Variants in UGT2B7 observed in about 807,000 individuals in gnomAD.
UGT2B7 encodes UDP-glucuronosyltransferase 2B7.
A neutral mutation model predicts 51.9 loss-of-function variants in UGT2B7; 51 were observed. The ratio of observed to expected loss-of-function variants is 0.98; its 90% CI spans 0.78 to 1.24. The LOEUF is 1.24. UGT2B7 is among the 50% of genes most tolerant of loss of function. UGT2B7 has a pLI of 0.00. For missense variants in UGT2B7, 727 were observed against 628.4 expected (o/e 1.16, Z -1.68); for synonymous variants, 225 against 211.6 (o/e 1.06, Z -0.55).
At chr4:69,076,344 T>C (rs1718707706) in intron 1 of UGT2B7, among the ~76,000 whole-genome samples, 1 of 152,216 alleles carries the variant, frequency 6.6e-6, no homozygotes, top group Admixed American at 6.5e-5. Flanking sequence ...TCTAGATCCT[T>C]GAAGAATCAC....
At chr4:69,093,701 T>G (rs929052400), upstream of UGT2B7, among the ~76,000 whole-genome samples, 2 of 152,120 alleles carry the variant, frequency 1.3e-5, no homozygotes, top group African/African-American at 4.8e-5. Context: ...GACCTGAGGG[T>G]TACAAAAATC....
chr4:69,112,350 G>A (rs7658752), intron 5 of UGT2B7, 107 bp from the exon 6 acceptor site: 714,659 of 1,428,130 alleles, frequency 0.5, 184,918 homozygotes, highest in African/African-American at 0.75. Flanking sequence ...GAGGAGTCTT[G>A]CCGATGCTCC....
intron 1 of UGT2B7, among the ~76,000 whole-genome samples, chr4:69,059,079 G>T (rs112716709): frequency 6.6e-6 from 1 of 152,384 alleles, no homozygotes; most frequent in African/African-American, 2.4e-5. Context: ...GATCTGATCA[G>T]ACTGGCAGGG....
chr4:69,084,356 G>A (rs1276133626), intron 1 of UGT2B7, among the ~76,000 whole-genome samples: 1 of 44,532 alleles, frequency 2.2e-5, no homozygotes, highest in Non-Finnish European at 5.7e-5. Flanking sequence ...CCTTCTTTCT[G>A]GTTTTACTAT....
chr4:69,068,371 C>T (rs1309209488), intron 1 of UGT2B7, among the ~76,000 whole-genome samples: 1 of 151,740 alleles, frequency 6.6e-6, no homozygotes, highest in Non-Finnish European at 1.5e-5. Context: ...GGTTGATTTG[C>T]TTATTTTGAA....
intron 3 of UGT2B7, 89 bp downstream of exon 3, chr4:69,103,027 T>G (rs746043792): frequency 6.5e-7 from 1 of 1,538,658 alleles, no homozygotes; most frequent in Non-Finnish European, 8.7e-7. Context: ...TTCTGATAAA[T>G]GTGAAGTTGA....
At chr4:69,107,068 TTA>T in intron 3 of UGT2B7, 105 bp from the exon 4 acceptor site, 1 of 1,253,012 alleles carries the variant, frequency 8.0e-7, no homozygotes, top group Non-Finnish European at 1.1e-6. Flanking sequence ...TGAGTAGTTC[TTA>T]TTTACTAACA....
In UGT2B7 at chr4:69,112,849, A is replaced by AT; in HGVS notation, c.*113_*114insT. ...TTCTTCCTGAGACAAAAAAAAAAAA[A>AT]GAAAAAAAAATCTTTTCAAAATTTA... On this transcript the variant is annotated 3_prime_UTR_variant, in exon 6 of 6. Transcript: ENST00000305231. 3.7e-6 allele frequency: 5 copies of AT among 1,353,814 alleles called. No individual in the cohort carries two copies. Among genetic ancestry groups the AT allele is most frequent in the Non-Finnish European group, 4.9e-6 (5 of 1,027,334 alleles). 83.9% of individuals were successfully genotyped at this position (1,353,814 alleles called of 1,614,324 possible).
chr4:69,055,582 C>T (rs1364135697), intron 1 of UGT2B7, among the ~76,000 whole-genome samples: 4 of 152,116 alleles, frequency 2.6e-5, no homozygotes, highest in Non-Finnish European at 5.9e-5. Flanking sequence ...GTGCCAGTAC[C>T]CGAGATTCCA....
At chr4:69,082,881 C>A (rs1414707467) in intron 1 of UGT2B7, among the ~76,000 whole-genome samples, 2 of 151,968 alleles carry the variant, frequency 1.3e-5, no homozygotes, top group Non-Finnish European at 2.9e-5. Flanking sequence ...GAAGTCAATG[C>A]CTGGCTTTAG....
intron 5 of UGT2B7, among the ~76,000 whole-genome samples, chr4:69,108,891 C>T (rs1481771717): frequency 6.6e-6 from 1 of 152,046 alleles, no homozygotes; most frequent in African/African-American, 2.4e-5. Flanking sequence ...TGCAATGACA[C>T]AGAAGTCACT....
At chr4:69,051,382 T>C (rs1403255526) in exon 1 of UGT2B7, 1 of 152,234 alleles carries the variant, frequency 6.6e-6, no homozygotes, top group Non-Finnish European at 1.5e-5. Flanking sequence ...GACAGACAGC[T>C]GAGGCAGCCC....
intron 1 of UGT2B7, chr4:69,067,453 T>C: frequency 6.3e-6 from 1 of 159,122 alleles, no homozygotes. Context: ...CAATGGAATG[T>C]ATGAGAGAAT....
intron 1 of UGT2B7, among the ~76,000 whole-genome samples, chr4:69,074,392 G>A (rs930294868): frequency 4.8e-5 from 7 of 146,368 alleles, no homozygotes; most frequent in African/African-American, 1.3e-4. Flanking sequence ...ACTGCATTTC[G>A]TTCAGCCTGG....
chr4:69,089,966 C>A (rs1226325621), intron 2 of UGT2B7, among the ~76,000 whole-genome samples: 2 of 152,030 alleles, frequency 1.3e-5, no homozygotes, highest in Non-Finnish European at 2.9e-5. Flanking sequence ...AAAGGGAGGG[C>A]TGATATTACA....
chr4:69,089,449 T>C (rs1344295383), intron 1 of UGT2B7: 1 of 152,228 alleles, frequency 6.6e-6, no homozygotes, highest in Non-Finnish European at 1.5e-5. Flanking sequence ...ATCTTTATGA[T>C]GCAGAAATTA....
Position 69,112,887 on chromosome 4 carries a change from A to C in UGT2B7, c.*151A>C. The stretch of plus-strand genomic sequence containing the variant: ...TTTTCAAAATTTACTTTGTCAAATA[A>C]AAATTTGTTTTTCAGAGATTTACCA... On this transcript the variant is annotated 3_prime_UTR_variant, in exon 6 of 6. Coordinates refer to ENST00000305231, the MANE Select transcript of UGT2B7 (RefSeq NM_001074.4). The C allele has an allele frequency of 7.7e-7, 1 of 1,292,130 alleles. No homozygotes were observed. Among genetic ancestry groups the C allele is most frequent in the South Asian group, 1.8e-5 (1 of 56,006 alleles). 80.0% of individuals were successfully genotyped at this position (1,292,130 alleles called of 1,614,324 possible). A position where few individuals can be genotyped will look rare whatever the true frequency, so the allele number is the denominator to read the frequency against.
At chr4:69,091,214 T>C (rs771039336) in intron 2 of UGT2B7, among the ~76,000 whole-genome samples, 4 of 152,200 alleles carry the variant, frequency 2.6e-5, no homozygotes, top group Non-Finnish European at 5.9e-5. Flanking sequence ...GTGATTCATA[T>C]CAAAATAGTC....
rs78728235 is a variant in UGT2B7, at chr4:69,100,380, A to G, written c.870+1692A>G. The stretch of plus-strand genomic sequence containing the variant: ...AACTCATATATTTTAAATTAATATC[A>G]CACTTTTAAGACATATGTACAAAGC... On this transcript the variant is annotated intron_variant, in intron 2 of 5. Transcript: ENST00000305231. 4.1e-3 allele frequency among the ~76,000 whole-genome samples: 626 copies of G among 152,186 alleles called. 2 individuals carry two copies. Among genetic ancestry groups the G allele is most frequent in the African/African-American group, 0.015 (611 of 41,560 alleles).
Sources: gnomAD v4.1 joint callset for allele counts (sites outside exome capture counted in the v4.1 genomes callset) on GRCh38, gnomAD v4.1.1 for gene constraint, MANE v1.5 for transcripts, NCBI Gene and HGNC (gene_info 2026-07-23, HGNC 2026-07-21) for gene names.